Variants in CADPS observed in about 807,000 individuals in gnomAD.
The protein encoded by CADPS is calcium-dependent secretion activator 1.
In CADPS, 57 loss-of-function variants were observed where a neutral mutation model predicts 167.3. The ratio of observed to expected loss-of-function variants is 0.34; its 90% CI spans 0.28 to 0.42. CADPS has a LOEUF of 0.42. Among genes scored for constraint, CADPS ranks in the 20% least tolerant of loss-of-function variants. The pLI, the probability that CADPS is intolerant of heterozygous loss-of-function variation, is 1.00. For missense variants in CADPS, 1,414 were observed against 1,738.1 expected (o/e 0.81, Z 3.32); for synonymous variants, 676 against 635.3 (o/e 1.06, Z -0.96).
chr3:62,448,848 A>G (rs1447876446), intron 26 of CADPS, among the ~76,000 whole-genome samples: 4 of 152,154 alleles, frequency 2.6e-5, no homozygotes, highest in African/African-American at 9.7e-5. Context: ...TTGTGACCTC[A>G]GGTGATCTGC....
At chr3:62,463,147 G>A (rs2059569759) in intron 26 of CADPS, among the ~76,000 whole-genome samples, 1 of 152,146 alleles carries the variant, frequency 6.6e-6, no homozygotes, top group African/African-American at 2.4e-5. Context: ...CTTCTGCATA[G>A]GATGCTCTGG....
At chr3:62,527,966 G>A (rs2072719629) in intron 13 of CADPS, among the ~76,000 whole-genome samples, 1 of 152,098 alleles carries the variant, frequency 6.6e-6, no homozygotes, top group Non-Finnish European at 1.5e-5. Context: ...AATCCCAAAG[G>A]CAATTAATTA....
intron 1 of CADPS, among the ~76,000 whole-genome samples, chr3:62,858,863 A>G (rs2153165639): frequency 6.6e-6 from 1 of 152,270 alleles, no homozygotes; most frequent in East Asian, 1.9e-4. Context: ...GCAAATAAAA[A>G]AATTACTGTA....
chr3:62,731,835 A>AGAAGGAAG (rs71287105), intron 3 of CADPS, among the ~76,000 whole-genome samples: 1 of 110,242 alleles, frequency 9.1e-6, no homozygotes, highest in Non-Finnish European at 1.8e-5. Flanking sequence ...AAAAAAGTAA[A>AGAAGGAAG]GAAGGAAGAA....
chr3:62,854,875 C>T (rs1403955335), intron 1 of CADPS, among the ~76,000 whole-genome samples: 1 of 151,890 alleles, frequency 6.6e-6, no homozygotes, highest in East Asian at 1.9e-4. Context: ...ATTTTTATTT[C>T]AAAGACTCAA....
At chr3:62,626,139 G>A (rs2064040416) in intron 6 of CADPS, 1 of 163,674 alleles carries the variant, frequency 6.1e-6, no homozygotes, top group Non-Finnish European at 1.3e-5. Flanking sequence ...GAGAGCCTCT[G>A]TTAAATGTTC....
At chr3:62,610,374 C>T (rs1418976968) in intron 6 of CADPS, among the ~76,000 whole-genome samples, 1 of 152,104 alleles carries the variant, frequency 6.6e-6, no homozygotes, top group Admixed American at 6.6e-5. Flanking sequence ...CCTCAGCCTT[C>T]CCAGTAGCTG....
intron 11 of CADPS, among the ~76,000 whole-genome samples, chr3:62,545,570 A>G (rs977077095): frequency 6.6e-6 from 1 of 152,106 alleles, no homozygotes; most frequent in Non-Finnish European, 1.5e-5. Context: ...AAACCCTCCC[A>G]AAAATCTCTG....
intron 7 of CADPS, among the ~76,000 whole-genome samples, chr3:62,588,313 T>C (rs1254511985): frequency 6.6e-6 from 1 of 151,496 alleles, no homozygotes; most frequent in Admixed American, 6.6e-5. Context: ...TTTTTTTTTT[T>C]CCTAGCAGAA....
intron 10 of CADPS, 68 bp downstream of exon 10, chr3:62,557,337 A>C (rs1562115739): frequency 1.9e-6 from 2 of 1,045,810 alleles, no homozygotes; most frequent in Non-Finnish European, 3.0e-6. Context: ...CCCAGCAATT[A>C]TTAGTTGACC....
At chr3:62,689,060 T>C (rs1367863721) in intron 3 of CADPS, among the ~76,000 whole-genome samples, 1 of 152,102 alleles carries the variant, frequency 6.6e-6, no homozygotes, top group African/African-American at 2.4e-5. Context: ...AGGCTGTGAT[T>C]TGACAGCTTT....
intron 3 of CADPS, among the ~76,000 whole-genome samples, chr3:62,708,346 T>G (rs921437236): frequency 6.6e-6 from 1 of 152,142 alleles, no homozygotes; most frequent in African/African-American, 2.4e-5. Context: ...GTACTGTTGA[T>G]GTATATATAT....
chr3:62,723,621 C>A (rs935853833), intron 3 of CADPS, among the ~76,000 whole-genome samples: 6 of 152,014 alleles, frequency 3.9e-5, no homozygotes, highest in African/African-American at 1.4e-4. Context: ...GAAATATATC[C>A]CTCTAAAAAT....
At chr3:62,418,324 CT>C (rs1227861106) in intron 28 of CADPS, among the ~76,000 whole-genome samples, 15,595 of 115,010 alleles carry the variant, frequency 0.14, 690 homozygotes, top group African/African-American at 0.24. Context: ...TTTTTTCTCT[CT>C]TTTTTTTTTT....
At chr3:62,499,331 G>T (rs568857973) in intron 17 of CADPS, 63 bp from the exon 18 acceptor site, 5 of 936,148 alleles carry the variant, frequency 5.3e-6, no homozygotes, top group African/African-American at 1.6e-5. Flanking sequence ...ATGGCCATTA[G>T]AACTAGTGGA....
chr3:62,847,261 CTTT>C (rs202175985), intron 1 of CADPS, among the ~76,000 whole-genome samples: 41 of 133,060 alleles, frequency 3.1e-4, no homozygotes, highest in African/African-American at 6.8e-4. Flanking sequence ...GCAGCATTTT[CTTT>C]TTTTTTTTTT....
chr3:62,846,579 T>C (rs985237177), intron 1 of CADPS, among the ~76,000 whole-genome samples: 6 of 152,192 alleles, frequency 3.9e-5, no homozygotes, highest in Non-Finnish European at 8.8e-5. Context: ...CCGTGATTAA[T>C]CAATTTGCAA....
At chr3:62,745,929 G>C (rs2081353849) in intron 3 of CADPS, among the ~76,000 whole-genome samples, 1 of 152,204 alleles carries the variant, frequency 6.6e-6, no homozygotes. Flanking sequence ...GAAAATAAGT[G>C]TGCAAAGCAA....
At position 62,845,759 on chromosome 3, in the gene CADPS, T is replaced by C. The variant is rs182194213; in HGVS notation, c.441+28830A>G. On this transcript the variant is annotated intron_variant, in intron 1 of 29. Transcript: ENST00000383710. ...TTGTTATTGTTGAAGAAACCTGGTA[T>C]TTTATTTTGAACAATTTCCGATAGC... Among the ~76,000 whole-genome samples the C allele has an allele frequency of 1.7e-3, 255 of 152,296 alleles. 1 individual carries two copies. The highest frequency in any genetic ancestry group is 2.5e-3 in the Non-Finnish European group (171 of 68,020).
Sources: gnomAD v4.1 joint callset for allele counts (sites outside exome capture counted in the v4.1 genomes callset) on GRCh38, gnomAD v4.1.1 for gene constraint, MANE v1.5 for transcripts, NCBI Gene and HGNC (gene_info 2026-07-23, HGNC 2026-07-21) for gene names.